Variants in PRKCZ observed in about 807,000 individuals in gnomAD.
PRKCZ encodes the protein protein kinase C zeta type.
Under a neutral mutation model 79.5 loss-of-function variants are expected in PRKCZ, and 33 were observed. The ratio of observed to expected loss-of-function variants is 0.41; its 90% CI spans 0.31 to 0.55. The LOEUF (loss-of-function observed/expected upper bound fraction) is 0.55, where lower values mean the gene tolerates loss of function less well. PRKCZ is among the 20% of genes least tolerant of loss of function. The pLI, the probability that PRKCZ is intolerant of heterozygous loss-of-function variation, is 0.19. For missense variants in PRKCZ, 578 were observed against 813.5 expected (o/e 0.71, Z 3.52); for synonymous variants, 342 against 320.9 (o/e 1.07, Z -0.70).
At chr1:2,085,471 T>G (rs1664330125) in intron 4 of PRKCZ, among the ~76,000 whole-genome samples, 9 of 152,280 alleles carry the variant, frequency 5.9e-5, no homozygotes. Flanking sequence ...CCAGACTGGT[T>G]GCTGCGCACG....
chr1:2,170,494 A>AAGAT (rs56317708), intron 11 of PRKCZ, among the ~76,000 whole-genome samples: 150,101 of 152,298 alleles, frequency 0.99, 73,985 homozygotes, highest in East Asian at 1. Context: ...AAACTGTGGC[A>AAGAT]ACACACAACA....
intron 16 of PRKCZ, chr1:2,184,233 A>G: frequency 3.5e-6 from 1 of 283,850 alleles, no homozygotes; most frequent in Admixed American, 4.8e-5. Context: ...CAGGGTTCCA[A>G]GACGTCATGA....
intron 4 of PRKCZ, among the ~76,000 whole-genome samples, chr1:2,110,240 C>A (rs1042858816): frequency 6.6e-6 from 1 of 151,320 alleles, no homozygotes; most frequent in Middle Eastern, 3.2e-3. Flanking sequence ...CAGCCAAGGA[C>A]CTAAAACCAA....
rs80119748 is a variant in PRKCZ, at chr1:2,185,016, G to C, written c.*7G>C. The stretch of plus-strand genomic sequence containing the variant: ...CACCGAGGAGTCGGTGTGAGGCCGC[G>C]TGCGTCTCTGTCGTGGACACGCGTG... On this transcript the variant is annotated 3_prime_UTR_variant, in exon 18 of 18. Coordinates refer to ENST00000378567, the MANE Select transcript of PRKCZ (RefSeq NM_002744.6). 38 of 1,607,972 alleles carry C rather than the reference G, an allele frequency of 2.4e-5. 1 individual carries two copies. In the South Asian group the frequency reaches 4.0e-4, roughly 17 times the overall value.
At position 2,177,790 on chromosome 1, in the gene PRKCZ, G is replaced by A. The variant is rs1029958752; in HGVS notation, c.1575+2477G>A. ...ACCCCCGTGGCTGCCCACAGGGGCG[G>A]CTTCCATCACCCTGCTTCTTCCTGG... On this transcript the variant is annotated intron_variant, in intron 16 of 17. Coordinates refer to ENST00000378567, the MANE Select transcript of PRKCZ (RefSeq NM_002744.6). The surrounding 1 kb of genome is among the most constrained non-coding windows in gnomAD (Gnocchi z 6.4). Among the ~76,000 whole-genome samples the A allele has an allele frequency of 6.6e-6, 1 of 152,128 alleles. No homozygotes were observed. Among genetic ancestry groups the A allele is most frequent in the African/African-American group, 2.4e-5 (1 of 41,422 alleles).
intron 4 of PRKCZ, among the ~76,000 whole-genome samples, chr1:2,118,189 G>A (rs1393524915): frequency 6.6e-6 from 1 of 150,894 alleles, no homozygotes; most frequent in South Asian, 2.1e-4. Context: ...TAGAGACAGG[G>A]TTTCACCATG....
At chr1:2,106,436 C>T (rs535889755) in intron 4 of PRKCZ, among the ~76,000 whole-genome samples, 44 of 151,250 alleles carry the variant, frequency 2.9e-4, no homozygotes, top group African/African-American at 9.6e-4. Context: ...CCACACGTGT[C>T]GCCAGGCCAG....
At chr1:2,116,072 C>T (rs1269989242) in intron 4 of PRKCZ, 1 of 152,208 alleles carries the variant, frequency 6.6e-6, no homozygotes, top group Non-Finnish European at 1.5e-5. Flanking sequence ...CCCGGCTCCC[C>T]GTCATCTCAT....
At chr1:2,130,095 G>A (rs1000771751) in intron 4 of PRKCZ, among the ~76,000 whole-genome samples, 24 of 152,030 alleles carry the variant, frequency 1.6e-4, no homozygotes, top group Non-Finnish European at 1.3e-4. Flanking sequence ...TTATAGAGAC[G>A]GGGTCTCACC....
At chr1:2,098,089 C>T (rs1571348194) in intron 4 of PRKCZ, among the ~76,000 whole-genome samples, 1 of 84,022 alleles carries the variant, frequency 1.2e-5, no homozygotes, top group African/African-American at 4.5e-5. Context: ...GAGCAGGTGA[C>T]AAGGATGACT....
intron 4 of PRKCZ, among the ~76,000 whole-genome samples, chr1:2,079,983 G>A (rs1327797656): frequency 6.6e-6 from 1 of 152,170 alleles, no homozygotes; most frequent in Non-Finnish European, 1.5e-5. Flanking sequence ...GGGGTCTGGG[G>A]GTCGACTCCT....
chr1:2,144,149 C>A, intron 5 of PRKCZ, 61 bp from the exon 6 acceptor site: 1 of 1,535,944 alleles, frequency 6.5e-7, no homozygotes, highest in Non-Finnish European at 8.8e-7. Context: ...GAAGGCCCTG[C>A]CTGTCCTCTC....
intron 5 of PRKCZ, among the ~76,000 whole-genome samples, chr1:2,138,662 G>A (rs930528581): frequency 8.5e-5 from 13 of 152,140 alleles, no homozygotes; most frequent in Non-Finnish European, 1.6e-4. Flanking sequence ...AGGGCCCGGC[G>A]CAGTGGCTCA....
intron 7 of PRKCZ, 148 bp downstream of exon 7, chr1:2,146,256 G>C: frequency 1.3e-6 from 1 of 757,224 alleles, no homozygotes; most frequent in Non-Finnish European, 2.2e-6. Flanking sequence ...CTGGGGCTGG[G>C]GATGAGGCTC....
At chr1:2,053,885 G>A (rs988937626) in intron 1 of PRKCZ, among the ~76,000 whole-genome samples, 23 of 152,204 alleles carry the variant, frequency 1.5e-4, no homozygotes, top group East Asian at 1.9e-4. Context: ...GGGCTGTGGC[G>A]AAGACCAGCC....
chr1:2,132,759 T>C (rs1233427007), intron 4 of PRKCZ, among the ~76,000 whole-genome samples: 1 of 152,256 alleles, frequency 6.6e-6, no homozygotes, highest in East Asian at 1.9e-4. Context: ...CTAAAATGTT[T>C]TGCCGCTTTG....
intron 16 of PRKCZ, among the ~76,000 whole-genome samples, chr1:2,176,878 C>T (rs553492153): frequency 6.6e-6 from 1 of 152,354 alleles, no homozygotes; most frequent in Admixed American, 6.5e-5. Context: ...CAGAGCCCAG[C>T]TGGGCTGCTG....
intron 4 of PRKCZ, among the ~76,000 whole-genome samples, chr1:2,100,117 TG>T (rs986792219): frequency 1.3e-5 from 2 of 152,214 alleles, no homozygotes; most frequent in Non-Finnish European, 2.9e-5. Context: ...TGAGGGCCAG[TG>T]GGGAGACAGC....
At chr1:2,144,398 C>A (rs1678055848) in intron 6 of PRKCZ, 57 bp downstream of exon 6, 13 of 1,536,340 alleles carry the variant, frequency 8.5e-6, no homozygotes, top group Non-Finnish European at 9.7e-6. Context: ...GGCGTGGCAG[C>A]CAGCCCATTG....
Sources: allele counts gnomAD v4.1 joint callset (sites outside exome capture counted in the v4.1 genomes callset), GRCh38; gene constraint gnomAD v4.1.1; non-coding constraint Gnocchi (gnomAD v3.1); transcripts MANE v1.5; gene names NCBI Gene and HGNC (gene_info 2026-07-23, HGNC 2026-07-21).